The following DGKB variants were observed in gnomAD, a reference collection of about 807,000 sequenced individuals.
DGKB encodes the protein 90 kDa diacylglycerol kinase.
A neutral mutation model predicts 114.3 loss-of-function variants in DGKB; 67 were observed. The observed-to-expected ratio is 0.59, with a 90% confidence interval of 0.48 to 0.72. The LOEUF is 0.72. Ranked by LOEUF, DGKB falls within the 30% of genes least tolerant of loss-of-function variation. DGKB has a pLI of 0.00. For missense variants in DGKB, 907 were observed against 975.2 expected (o/e 0.93, Z 0.93); for synonymous variants, 398 against 323.1 (o/e 1.23, Z -2.49).
intron 21 of DGKB, among the ~76,000 whole-genome samples, chr7:14,440,310 T>C (rs1382559242): frequency 1.3e-5 from 2 of 152,106 alleles, no homozygotes; most frequent in African/African-American, 4.8e-5. Context: ...AACATCCTGC[T>C]TTCATGAGAA....
At position 14,451,555 on chromosome 7, in the gene DGKB, C is replaced by CTG. The variant is rs72109573; in HGVS notation, c.1835+26605_1835+26606insCA. Among the ~76,000 whole-genome samples the CTG allele has an allele frequency of 3.3e-5, 5 of 151,730 alleles. No individual in the cohort carries two copies. The South Asian group carries it at 6.3e-4, about 19-fold the overall frequency. ...TAAATCTCTCTATCTGTCTCTCTCT[C>CTG]TCTCTCTCTCTCTCTCTCTCCATCT... On this transcript the variant is annotated intron_variant, in intron 21 of 25. Coordinates refer to ENST00000402815, the MANE Select transcript of DGKB (RefSeq NM_001350709.2).
chr7:14,444,545 T>G (rs1830484642), intron 21 of DGKB, among the ~76,000 whole-genome samples: 2 of 151,918 alleles, frequency 1.3e-5, no homozygotes, highest in South Asian at 4.1e-4. Flanking sequence ...TTCAGTTTCC[T>G]AATCTAGAAT....
At chr7:14,167,041 C>T (rs909234884) in intron 25 of DGKB, among the ~76,000 whole-genome samples, 1 of 151,926 alleles carries the variant, frequency 6.6e-6, no homozygotes, top group Non-Finnish European at 1.5e-5. Context: ...GAAAACCCAT[C>T]TGTACTAAAA....
At chr7:14,394,505 T>G (rs928646164) in intron 21 of DGKB, among the ~76,000 whole-genome samples, 2 of 152,140 alleles carry the variant, frequency 1.3e-5, no homozygotes, top group Non-Finnish European at 2.9e-5. Flanking sequence ...CACTTTGTAT[T>G]AAAAATAACA....
chr7:14,576,492 A>T (rs1355037692), intron 19 of DGKB, among the ~76,000 whole-genome samples: 1 of 152,038 alleles, frequency 6.6e-6, no homozygotes, highest in Non-Finnish European at 1.5e-5. Context: ...TCATGTCAGA[A>T]TAAGCTTGAT....
At chr7:14,219,281 A>G (rs1789530446) in intron 23 of DGKB, among the ~76,000 whole-genome samples, 1 of 151,838 alleles carries the variant, frequency 6.6e-6, no homozygotes, top group South Asian at 2.1e-4. Flanking sequence ...ATGGACTCTG[A>G]CCTAAGATTG....
At chr7:14,485,938 C>G (rs886608266) in intron 20 of DGKB, among the ~76,000 whole-genome samples, 1 of 151,744 alleles carries the variant, frequency 6.6e-6, no homozygotes, top group African/African-American at 2.4e-5. Flanking sequence ...GGTGGCTGCA[C>G]CCGTGAGCAG....
chr7:14,370,001 T>G (rs1817368557), intron 21 of DGKB, among the ~76,000 whole-genome samples: 1 of 152,222 alleles, frequency 6.6e-6, no homozygotes. Flanking sequence ...TTTTGGTGTT[T>G]TAGTCGTGAA....
intron 21 of DGKB, among the ~76,000 whole-genome samples, chr7:14,457,959 T>C (rs1250857419): frequency 6.6e-6 from 1 of 152,234 alleles, no homozygotes; most frequent in Non-Finnish European, 1.5e-5. Flanking sequence ...AGGGAAGGAC[T>C]CATCCAGTGT....
At chr7:14,514,476 T>C (rs1209322049) in intron 20 of DGKB, among the ~76,000 whole-genome samples, 1 of 152,218 alleles carries the variant, frequency 6.6e-6, no homozygotes. Context: ...CTTTTACTTT[T>C]ACTTGCACCC....
chr7:14,556,367 C>T (rs1795872038), intron 20 of DGKB, among the ~76,000 whole-genome samples: 1 of 151,958 alleles, frequency 6.6e-6, no homozygotes, highest in Non-Finnish European at 1.5e-5. Flanking sequence ...AGTTTCATTT[C>T]TAGTTGATGA....
chr7:14,186,726 G>A (rs1323474873), intron 23 of DGKB, among the ~76,000 whole-genome samples: 2 of 152,148 alleles, frequency 1.3e-5, no homozygotes, highest in East Asian at 3.9e-4. Context: ...CAGTGCCCTG[G>A]ATGAGACTGG....
intron 23 of DGKB, among the ~76,000 whole-genome samples, chr7:14,335,806 T>G (rs1258307072): frequency 6.6e-6 from 1 of 152,146 alleles, no homozygotes; most frequent in East Asian, 1.9e-4. Flanking sequence ...CAGGCTGAGG[T>G]GCAGTGGCGC....
At chr7:14,312,828 T>C (rs976305074) in intron 23 of DGKB, among the ~76,000 whole-genome samples, 6 of 152,224 alleles carry the variant, frequency 3.9e-5, no homozygotes, top group African/African-American at 1.2e-4. Context: ...TAAAATTCAA[T>C]GTTCCAAGTG....
At chr7:14,415,320 G>A (rs1003047921) in intron 21 of DGKB, among the ~76,000 whole-genome samples, 34 of 151,880 alleles carry the variant, frequency 2.2e-4, no homozygotes, top group Non-Finnish European at 4.3e-4. Flanking sequence ...TGCACAACGT[G>A]CAGGTTTGTT....
At chr7:14,748,512 G>A (rs975713924) in intron 4 of DGKB, among the ~76,000 whole-genome samples, 1 of 152,160 alleles carries the variant, frequency 6.6e-6, no homozygotes, top group Non-Finnish European at 1.5e-5. Context: ...CCCTGTGCTA[G>A]AGAAATTTCC....
chr7:14,437,765 C>A (rs921917660), intron 21 of DGKB, among the ~76,000 whole-genome samples: 2 of 149,862 alleles, frequency 1.3e-5, no homozygotes, highest in Non-Finnish European at 3.0e-5. Context: ...ACTCTATAAC[C>A]CCCGAAGTTC....
intron 9 of DGKB, among the ~76,000 whole-genome samples, chr7:14,693,288 C>T (rs191886436): frequency 6.6e-6 from 1 of 151,894 alleles, no homozygotes; most frequent in Non-Finnish European, 1.5e-5. Context: ...ACTATTAATG[C>T]TGAATTTAAA....
At chr7:14,886,082 A>G (rs1054825627) in intron 1 of DGKB, among the ~76,000 whole-genome samples, 1 of 151,866 alleles carries the variant, frequency 6.6e-6, no homozygotes, top group Non-Finnish European at 1.5e-5. Context: ...AAATGAAAAG[A>G]CCATATAGCA....
Sources: allele counts gnomAD v4.1 joint callset (sites outside exome capture counted in the v4.1 genomes callset), GRCh38; gene constraint gnomAD v4.1.1; transcripts MANE v1.5; gene names NCBI Gene and HGNC (gene_info 2026-07-23, HGNC 2026-07-21).